Variants in PHLPP2 observed in about 807,000 individuals in gnomAD.
PHLPP2 encodes PH domain leucine-rich repeat-containing protein phosphatase 2.
PHLPP2 carries 66 observed loss-of-function variants against 124.9 expected under a neutral mutation model. That is an observed-to-expected ratio of 0.53 (90% CI 0.43 to 0.65). The LOEUF (loss-of-function observed/expected upper bound fraction) is 0.65. Among genes scored for constraint, PHLPP2 ranks in the 30% least tolerant of loss-of-function variants. PHLPP2 has a pLI of 0.00. For synonymous variants in PHLPP2, 681 were observed against 624.7 expected, an observed-to-expected ratio of 1.09 and a Z score of -1.34; for missense variants, 1,685 against 1,600.4, an observed-to-expected ratio of 1.05 and a Z score of -0.90.
In PHLPP2 at chr16:71,654,204, G is replaced by GAAAAAAAA. The variant is rs765826548; in HGVS notation, c.2585+1028_2585+1035dup. 1.8e-4 allele frequency among the ~76,000 whole-genome samples: 13 copies of GAAAAAAAA among 72,310 alleles called. 1 individual carries two copies. Among genetic ancestry groups the GAAAAAAAA allele is most frequent in the East Asian group, 3.5e-4 (1 of 2,892 alleles). The allele number at this position is 72,310 out of a possible 152,430, so 47.4% of individuals were successfully genotyped here. ...AGCAAGAAGACTCCGTCTCAAAAAA[G>GAAAAAAAA]AAAAAAAAAAAAAAAAAAAAAAAAC... On this transcript the variant is annotated intron_variant, in intron 17 of 18. Transcript: ENST00000568954.
At chr16:71,713,940 C>CTTTT (rs201734851) in intron 2 of PHLPP2, among the ~76,000 whole-genome samples, 2 of 144,022 alleles carry the variant, frequency 1.4e-5, no homozygotes, top group Non-Finnish European at 3.0e-5. Flanking sequence ...AAAACAACAA[C>CTTTT]TTTTCTTTTT....
chr16:71,677,691 CAG>C (rs1351659949), intron 8 of PHLPP2: 1 of 148,586 alleles, frequency 6.7e-6, no homozygotes, highest in Non-Finnish European at 1.5e-5. Flanking sequence ...CTGTAAATAA[CAG>C]AACATCCAGT....
chr16:71,699,121 G>T (rs949835807), intron 3 of PHLPP2, among the ~76,000 whole-genome samples: 1 of 152,144 alleles, frequency 6.6e-6, no homozygotes, highest in Non-Finnish European at 1.5e-5. Context: ...GGTGGTTGGA[G>T]GAAAAAGGTG....
chr16:71,689,446 G>A (rs1230188292), intron 4 of PHLPP2, among the ~76,000 whole-genome samples: 1 of 144,806 alleles, frequency 6.9e-6, no homozygotes, highest in Non-Finnish European at 1.5e-5. Flanking sequence ...AGGCTGGGGT[G>A]CAATGGCATG....
chr16:71,683,311 A>G (rs17355804), intron 5 of PHLPP2, among the ~76,000 whole-genome samples: 16,215 of 152,284 alleles, frequency 0.11, 1,022 homozygotes, highest in Middle Eastern at 0.19. Context: ...TGCTTTTCAA[A>G]GGCTAAAGTG....
At chr16:71,711,497 C>T (rs1445181971) in intron 2 of PHLPP2, among the ~76,000 whole-genome samples, 22 of 152,112 alleles carry the variant, frequency 1.4e-4, no homozygotes, top group Non-Finnish European at 5.9e-5. Context: ...AGAAGACAGA[C>T]GTAGTATAAG....
chr16:71,671,366 T>C (rs1369592801), intron 10 of PHLPP2, among the ~76,000 whole-genome samples: 2 of 151,934 alleles, frequency 1.3e-5, no homozygotes, highest in Non-Finnish European at 1.5e-5. Context: ...CCTGACCAAA[T>C]AGGACCCTGC....
At chr16:71,656,049 C>G (rs950027206) in intron 16 of PHLPP2, among the ~76,000 whole-genome samples, 2 of 152,078 alleles carry the variant, frequency 1.3e-5, no homozygotes, top group Non-Finnish European at 2.9e-5. Flanking sequence ...CAGTCAAAGA[C>G]CACCAGAGCA....
chr16:71,655,794 G>T (rs2044737459), intron 16 of PHLPP2, among the ~76,000 whole-genome samples: 2 of 152,068 alleles, frequency 1.3e-5, no homozygotes, highest in African/African-American at 4.8e-5. Flanking sequence ...CTGGCCAGGA[G>T]CATTCTTTTA....
intron 18 of PHLPP2, among the ~76,000 whole-genome samples, chr16:71,651,579 T>C (rs1470725210): frequency 1.3e-5 from 2 of 152,178 alleles, no homozygotes; most frequent in Non-Finnish European, 2.9e-5. Context: ...CACTATCTTT[T>C]ATCTTTCATT....
chr16:71,691,296 TACAAAA>T (rs1195414283), intron 3 of PHLPP2, among the ~76,000 whole-genome samples: 4 of 151,620 alleles, frequency 2.6e-5, no homozygotes, highest in African/African-American at 9.7e-5. Flanking sequence ...CTACTAAAAA[TACAAAA>T]ACAAAAAAAT....
intron 10 of PHLPP2, among the ~76,000 whole-genome samples, chr16:71,670,244 G>T (rs2044879220): frequency 6.6e-6 from 1 of 152,194 alleles, no homozygotes. Flanking sequence ...CTGGGCTGGA[G>T]ATCTGAGTGT....
Position 71,649,487 on chromosome 16 carries a change from G to A in PHLPP2, c.3375C>T (p.Thr1125=). Residue 1125 remains threonine, a synonymous_variant, in exon 19 of 19, where the codon ACC becomes ACT. Coordinates refer to ENST00000568954, the MANE Select transcript of PHLPP2 (RefSeq NM_015020.3). ...AAGGCTGGCGCTGAAACAGCCCAGA[G>A]GTGGGTGTTGGGTGGAGGCTGCAGC... is the stretch of plus-strand genomic sequence containing the variant. ...ERRCSLHPTP[T]SGLFQRQPSS... is the part of the protein sequence containing the mutation. 6.2e-7 allele frequency: 1 copy of A among 1,614,164 alleles called. No individual in the cohort carries two copies. The highest frequency in any genetic ancestry group is 8.5e-7 in the Non-Finnish European group (1 of 1,180,030).
intron 15 of PHLPP2, 73 bp from the exon 16 acceptor site, chr16:71,656,754 CTT>C (rs796742202): frequency 3.0e-3 from 2,021 of 683,076 alleles, no homozygotes; most frequent in East Asian, 3.5e-3. Flanking sequence ...CAATAGTATT[CTT>C]TTTTTTTTTT....
intron 6 of PHLPP2, among the ~76,000 whole-genome samples, chr16:71,680,442 T>C (rs2044986566): frequency 6.6e-6 from 1 of 152,226 alleles, no homozygotes; most frequent in Non-Finnish European, 1.5e-5. Flanking sequence ...ATTTTGTTCA[T>C]GGAAGTAAAA....
chr16:71,672,514 T>A (rs556168976), intron 9 of PHLPP2, among the ~76,000 whole-genome samples, 192 bp from the exon 10 acceptor site: 1 of 152,366 alleles, frequency 6.6e-6, no homozygotes, highest in South Asian at 2.1e-4. Flanking sequence ...AAAACAAATG[T>A]AACAGCTAAT....
Position 71,676,557 on chromosome 16 carries a change from AAGTC to A in PHLPP2, c.1357_1360del (p.Asp453TrpfsTer19), listed in dbSNP as rs750204052. ...CAAGCTGCATAAGGAGCTAAGATCCAAGTCAGTCAGTCGGTTGTCCCGCAGATCC... is the reference window on the plus strand; with the variant it reads ...CAAGCTGCATAAGGAGCTAAGATCCAAGTCAGTCGGTTGTCCCGCAGATCC... On this transcript the variant is annotated frameshift_variant, in exon 9 of 19. Coordinates refer to ENST00000568954, the MANE Select transcript of PHLPP2 (RefSeq NM_015020.3). LOFTEE classifies it high-confidence loss of function. 1 of 1,614,066 alleles carries A rather than the reference AAGTC, an allele frequency of 6.2e-7. No homozygotes were observed. The highest frequency in any genetic ancestry group is 1.1e-5 in the South Asian group (1 of 91,088).
chr16:71,683,277 T>C (rs1437885889), intron 5 of PHLPP2, among the ~76,000 whole-genome samples: 1 of 152,158 alleles, frequency 6.6e-6, no homozygotes, highest in Non-Finnish European at 1.5e-5. Context: ...AAAAAGAGAA[T>C]TTGGAAATCA....
intron 8 of PHLPP2, chr16:71,677,361 GA>G (rs1215612437): frequency 6.6e-6 from 1 of 151,650 alleles, no homozygotes; most frequent in African/African-American, 2.4e-5. Flanking sequence ...TATAAGGATG[GA>G]GCCATACTTC....
Sources: allele counts gnomAD v4.1 joint callset (sites outside exome capture counted in the v4.1 genomes callset), GRCh38; gene constraint gnomAD v4.1.1; transcripts MANE v1.5; gene names NCBI Gene and HGNC (gene_info 2026-07-23, HGNC 2026-07-21).